The following KRT77 variants were observed in gnomAD, a reference collection of about 807,000 sequenced individuals.
KRT77 encodes the protein keratin 77.
KRT77 carries 44 observed loss-of-function variants against 51.5 expected under a neutral mutation model. That is an observed-to-expected ratio of 0.85 (90% CI 0.67 to 1.10). The LOEUF (loss-of-function observed/expected upper bound fraction) is 1.10, where lower values mean the gene tolerates loss of function less well. Ranked by LOEUF, KRT77 falls within the 50% of genes least tolerant of loss-of-function variation. The pLI, the probability that KRT77 is intolerant of heterozygous loss-of-function variation, is 0.00. For synonymous variants in KRT77, 293 were observed against 302.0 expected (o/e 0.97, Z 0.31); for missense variants, 763 against 743.9 (o/e 1.03, Z -0.30).
At chr12:52,693,024 A>G in intron 5 of KRT77, 144 bp from the exon 6 acceptor site, 1 of 901,396 alleles carries the variant, frequency 1.1e-6, no homozygotes, top group Non-Finnish European at 1.7e-6. Flanking sequence ...TCACAGCTAT[A>G]CCAAACCTCC....
chr12:52,702,446 T>C (rs1048168618), intron 1 of KRT77, among the ~76,000 whole-genome samples: 3 of 149,418 alleles, frequency 2.0e-5, no homozygotes, highest in African/African-American at 7.4e-5. Flanking sequence ...TATAAATGGA[T>C]TGTGTGGATG....
rs1476726923 is a variant in KRT77, at chr12:52,691,216, C to A, written c.1686G>T (p.Val562=). 6.2e-7 allele frequency: 1 copy of A among 1,614,104 alleles called. No individual in the cohort carries two copies. The change falls in exon 9 of 9, where the codon GTG becomes GTT. Residue 562 remains valine, a synonymous_variant. Transcript: ENST00000341809. ...TGTTGGTGGAGGTCTGGATGATCTG[C>A]ACGCGCGAGGATCCGCGGCCGCTTC... ...SGRSGRGSSR[V]QIIQTSTNTS...
chr12:52,693,419 A>G (rs1046852880), intron 5 of KRT77: 10 of 153,600 alleles, frequency 6.5e-5, no homozygotes, highest in Admixed American at 5.0e-4. Flanking sequence ...TGGGTAGGAG[A>G]AGCATCGACT....
rs1424217049 is a variant in KRT77 at position 52,689,632 on chromosome 12, A to G, written c.*1533T>C. ...TCTCCTGACCAAACAGCAATTTGAG[A>G]TCACAGAAAAATTTATTATAGAAAT... is the stretch of plus-strand genomic sequence containing the variant. On this transcript the variant is annotated 3_prime_UTR_variant, in exon 9 of 9. Transcript: ENST00000341809. The G allele has an allele frequency of 3.9e-5, 6 of 152,460 alleles. No homozygotes were observed. The highest frequency in any genetic ancestry group is 7.2e-5 in the African/African-American group (3 of 41,566). The allele number at this position is 152,460 out of a possible 1,614,324, so 9.4% of individuals were successfully genotyped here.
chr12:52,694,584 G>A (rs201855600), intron 5 of KRT77, 42 bp downstream of exon 5: 1 of 1,536,328 alleles, frequency 6.5e-7, no homozygotes, highest in Non-Finnish European at 8.8e-7. Context: ...ATTCTGGGAA[G>A]AATCTGTTTT....
rs138421134 is a variant in KRT77 at position 52,692,868 on chromosome 12, G to A, written c.1093C>T (p.Gln365Ter). 6.2e-7 allele frequency: 1 copy of A among 1,603,840 alleles called. No homozygotes were observed. Among genetic ancestry groups the A allele is most frequent in the African/African-American group, 1.3e-5 (1 of 74,696 alleles). ...TCTCCATGTCTCCCTGCCGTGATCT[G>A]GAGCTCCTGGTACTGGGGCCAAAGG... ...ALYQTKYQELQITAGRHGDDL... is the reference protein window; with the variant it reads ...ALYQTKYQEL The change falls in exon 6 of 9, where the codon CAG becomes TAG. Residue 365 changes from glutamine (Q) to a stop codon, truncating the protein, a stop_gained. Transcript: ENST00000341809. LOFTEE classifies it high-confidence loss of function.
In KRT77 at chr12:52,690,903, A is replaced by G; in HGVS notation, c.*262T>C. 1 of 569,758 alleles carries G rather than the reference A, an allele frequency of 1.8e-6. No individual in the cohort carries two copies. The highest frequency in any genetic ancestry group is 3.1e-6 in the Non-Finnish European group (1 of 324,424). 35.3% of individuals were successfully genotyped at this position (569,758 alleles called of 1,614,324 possible). A position where few individuals can be genotyped will look rare whatever the true frequency, so the allele number is the denominator to read the frequency against. On this transcript the variant is annotated 3_prime_UTR_variant, in exon 9 of 9. Coordinates refer to ENST00000341809, the MANE Select transcript of KRT77 (RefSeq NM_175078.3). ...GATCTTCCAAAAAGGTGGGAGCAGG[A>G]ACAGCAGCAGGGCCAGCAGAGCGGG...
At chr12:52,694,561 T>A in intron 5 of KRT77, 65 bp downstream of exon 5, 2 of 1,440,048 alleles carry the variant, frequency 1.4e-6, no homozygotes, top group Non-Finnish European at 9.4e-7. Context: ...GACAATGCAA[T>A]AAGAGAAAGA....
chr12:52,691,400 C>A lies in KRT77; in HGVS notation c.1502G>T (p.Gly501Val). 2 of 1,599,688 alleles carry A rather than the reference C, an allele frequency of 1.3e-6. No individual in the cohort carries two copies. Among genetic ancestry groups the A allele is most frequent in the Non-Finnish European group, 1.7e-6 (2 of 1,176,812 alleles). The change falls in exon 9 of 9, where the codon GGA (glycine) becomes GTA (valine). Residue 501 changes from glycine (G) to valine (V), a missense_variant. Transcript: ENST00000341809. ...TCCTGAGCCGTAGCTGCCGCCGCCT[C>A]CCGCGCCGCCGTTGACGCTCACCTG... ...NSQVSVNGGA[G>V]GGGSYGSGGY...
intron 1 of KRT77, among the ~76,000 whole-genome samples, chr12:52,699,350 G>A (rs1396654422): frequency 6.6e-6 from 1 of 152,234 alleles, no homozygotes; most frequent in Non-Finnish European, 1.5e-5. Flanking sequence ...CTTTAGCCCA[G>A]GTACCCATCC....
Position 52,691,013 on chromosome 12 carries a change from C to T in KRT77, c.*152G>A, listed in dbSNP as rs1455273306. On this transcript the variant is annotated 3_prime_UTR_variant, in exon 9 of 9. Coordinates refer to ENST00000341809, the MANE Select transcript of KRT77 (RefSeq NM_175078.3). The stretch of plus-strand genomic sequence containing the variant: ...AGATCTGCTGTTTGGACTTATCCAC[C>T]CTGCTTCCCCCATTAGAGTCGAATT... 9.4e-7 allele frequency: 1 copy of T among 1,058,890 alleles called. No homozygotes were observed. The highest frequency in any genetic ancestry group is 1.6e-5 in the African/African-American group (1 of 63,766). The allele number at this position is 1,058,890 out of a possible 1,614,324, so 65.6% of individuals were successfully genotyped here. A position where few individuals can be genotyped will look rare whatever the true frequency, so the allele number is the denominator to read the frequency against.
intron 5 of KRT77, 69 bp downstream of exon 5, chr12:52,694,557 G>T: frequency 7.2e-7 from 1 of 1,391,620 alleles, no homozygotes; most frequent in Non-Finnish European, 9.7e-7. Flanking sequence ...GAAAGACAAT[G>T]CAATAAGAGA....
intron 1 of KRT77, among the ~76,000 whole-genome samples, chr12:52,701,609 C>T (rs1393329045): frequency 1.3e-5 from 2 of 152,222 alleles, no homozygotes; most frequent in Non-Finnish European, 2.9e-5. Flanking sequence ...AGGCAAAGTT[C>T]CTCCTGGGGA....
intron 1 of KRT77, among the ~76,000 whole-genome samples, chr12:52,701,085 C>T (rs1941881228): frequency 1.3e-5 from 2 of 152,250 alleles, no homozygotes; most frequent in Non-Finnish European, 2.9e-5. Flanking sequence ...TGCCCTATGC[C>T]ATGCAACTGG....
intron 5 of KRT77, among the ~76,000 whole-genome samples, chr12:52,694,370 A>G (rs1305946560): frequency 5.3e-5 from 8 of 152,238 alleles, no homozygotes; most frequent in African/African-American, 1.4e-4. Flanking sequence ...AAGTAATTGC[A>G]GTTCTCGTCA....
intron 3 of KRT77, 81 bp downstream of exon 3, chr12:52,696,289 C>T: frequency 7.2e-7 from 1 of 1,390,960 alleles, no homozygotes; most frequent in East Asian, 2.3e-5. Flanking sequence ...CTGCCGTTGT[C>T]ACAGAGCATC....
In KRT77 at chr12:52,696,374, T is replaced by C. The variant is rs760169871; in HGVS notation, c.815A>G (p.Lys272Arg). ...TGSENDFVVL[K>R]KDVDAAYVSK... is the part of the protein sequence containing the mutation. ...CAGGACTCCCCTTTCCCTCACCTTC[T>C]TCAGGACGACAAAGTCATTCTCGCT... The change falls in exon 3 of 9, where the codon AAG becomes AGG. Residue 272 changes from lysine to arginine, a missense_variant. Coordinates refer to ENST00000341809, the MANE Select transcript of KRT77 (RefSeq NM_175078.3). 1.2e-5 allele frequency: 20 copies of C among 1,614,076 alleles called. No homozygotes were observed. The South Asian group carries it at 2.0e-4, about 16-fold the overall frequency.
chr12:52,692,307 G>T, intron 7 of KRT77, 114 bp downstream of exon 7: 1 of 1,180,094 alleles, frequency 8.5e-7, no homozygotes, highest in East Asian at 2.5e-5. Flanking sequence ...TGCTCACCCT[G>T]GGCTACCAAT....
chr12:52,693,836 A>G lies in KRT77; in HGVS notation c.1080+790T>C, dbSNP rs1388264463. Among the ~76,000 whole-genome samples, 2 of 148,070 alleles carry G rather than the reference A, an allele frequency of 1.4e-5. 1 individual carries two copies. The highest frequency in any genetic ancestry group is 3.1e-5 in the Non-Finnish European group (2 of 65,398). On this transcript the variant is annotated intron_variant, in intron 5 of 8. Coordinates refer to ENST00000341809, the MANE Select transcript of KRT77 (RefSeq NM_175078.3). ...TCCATATGTGTTAAGTAAAAGAGAAAGTATAGCCTGGCCAACATGGCAAAA... is the reference window on the plus strand; with the variant it reads ...TCCATATGTGTTAAGTAAAAGAGAAGGTATAGCCTGGCCAACATGGCAAAA...
Sources: allele counts gnomAD v4.1 joint callset (sites outside exome capture counted in the v4.1 genomes callset), GRCh38; gene constraint gnomAD v4.1.1; transcripts MANE v1.5; gene names NCBI Gene and HGNC (gene_info 2026-07-23, HGNC 2026-07-21).